Variants in MRPL48 observed in about 807,000 individuals in gnomAD.
MRPL48 encodes the protein large ribosomal subunit protein mL48.
MRPL48 carries 16 observed loss-of-function variants against 32.9 expected under a neutral mutation model. That is an observed-to-expected ratio of 0.49 (90% CI 0.33 to 0.74). MRPL48 has a LOEUF of 0.74. MRPL48 is among the 30% of genes least tolerant of loss of function. The pLI is 0.02. For synonymous variants in MRPL48, 94 were observed against 89.2 expected (o/e 1.05, Z -0.31); for missense variants, 206 against 245.3 (o/e 0.84, Z 1.07).
chr11:73,834,674 C>T (rs1227334224), intron 4 of MRPL48, among the ~76,000 whole-genome samples: 1 of 151,894 alleles, frequency 6.6e-6, no homozygotes, highest in Non-Finnish European at 1.5e-5. Context: ...GCTGGGACTA[C>T]AGGCGTGTGC....
chr11:73,797,344 G>A (rs1947274560), intron 1 of MRPL48, among the ~76,000 whole-genome samples: 1 of 152,220 alleles, frequency 6.6e-6, no homozygotes, highest in Non-Finnish European at 1.5e-5. Context: ...TAATGGCAGG[G>A]CTAAAAGAGC....
At chr11:73,864,214 G>A (rs1948630229) in intron 7 of MRPL48, 82 bp from the exon 8 acceptor site, 1 of 1,251,022 alleles carries the variant, frequency 8.0e-7, no homozygotes, top group Non-Finnish European at 1.1e-6. Context: ...CTGGTTCAAG[G>A]GCCCTTTTTG....
chr11:73,821,464 G>A (rs1401527727), intron 3 of MRPL48, among the ~76,000 whole-genome samples: 3 of 152,134 alleles, frequency 2.0e-5, no homozygotes, highest in Non-Finnish European at 4.4e-5. Context: ...AGCCTTGCCT[G>A]TTTCTCTAAG....
In MRPL48 at chr11:73,794,184, G is replaced by GTATCTATCTATCTGTCTGTC. The variant is rs376507552; in HGVS notation, c.21+6205_21+6206insGTCTGTCTATCTATCTATCT. 2.2e-5 allele frequency among the ~76,000 whole-genome samples: 3 copies of GTATCTATCTATCTGTCTGTC among 139,178 alleles called. No individual in the cohort carries two copies. In the Admixed American group the frequency reaches 2.2e-4, roughly 10 times the overall value. 91.3% of individuals were successfully genotyped at this position (139,178 alleles called of 152,430 possible). On this transcript the variant is annotated intron_variant, in intron 1 of 7. Transcript: ENST00000310614. ...AGCCTGGGTAACAGAGTGAGACCCT[G>GTATCTATCTATCTGTCTGTC]TATCTATCTATCTATCTATCTATCT...
intron 4 of MRPL48, among the ~76,000 whole-genome samples, chr11:73,830,426 T>C (rs982784565): frequency 6.6e-6 from 1 of 152,142 alleles, no homozygotes; most frequent in African/African-American, 2.4e-5. Flanking sequence ...GCCTCGTGGC[T>C]TCCTGCACAG....
intron 1 of MRPL48, among the ~76,000 whole-genome samples, chr11:73,799,539 C>T (rs1378982870): frequency 6.6e-6 from 1 of 152,102 alleles, no homozygotes; most frequent in African/African-American, 2.4e-5. Flanking sequence ...CATGTTAATT[C>T]GCTTTTCTGA....
intron 1 of MRPL48, among the ~76,000 whole-genome samples, chr11:73,798,082 AT>A (rs900670146): frequency 1.3e-5 from 2 of 150,036 alleles, no homozygotes; most frequent in East Asian, 1.9e-4. Context: ...AACAAAAACA[AT>A]TTTTTTTTTC....
At chr11:73,808,910 C>T (rs1044253687) in intron 3 of MRPL48, among the ~76,000 whole-genome samples, 4 of 148,514 alleles carry the variant, frequency 2.7e-5, no homozygotes, top group Non-Finnish European at 3.0e-5. Context: ...GGGACAAGAG[C>T]GAGACTTCAT....
chr11:73,847,454 T>C (rs1044076911), intron 5 of MRPL48, among the ~76,000 whole-genome samples: 10 of 152,016 alleles, frequency 6.6e-5, no homozygotes, highest in Non-Finnish European at 1.5e-4. Context: ...TCCTTTTTTT[T>C]TTTTGAGACG....
At chr11:73,799,003 A>AAC (rs1277577333) in intron 1 of MRPL48, among the ~76,000 whole-genome samples, 12 of 151,716 alleles carry the variant, frequency 7.9e-5, no homozygotes, top group African/African-American at 2.7e-4. Context: ...GCAAAAAAAA[A>AAC]AAAAAGAAAG....
intron 5 of MRPL48, among the ~76,000 whole-genome samples, chr11:73,846,611 A>G (rs1196821999): frequency 6.6e-6 from 1 of 151,620 alleles, no homozygotes; most frequent in Non-Finnish European, 1.5e-5. Context: ...CACCTGCCTC[A>G]GCCTCCCAAA....
intron 1 of MRPL48, among the ~76,000 whole-genome samples, chr11:73,792,961 G>A (rs1947178778): frequency 6.6e-6 from 1 of 152,338 alleles, no homozygotes; most frequent in East Asian, 1.9e-4. Context: ...GGTTTAGAGG[G>A]ATTTACTAAT....
chr11:73,824,691 A>G (rs1947851652), intron 3 of MRPL48, among the ~76,000 whole-genome samples: 1 of 152,172 alleles, frequency 6.6e-6, no homozygotes, highest in South Asian at 2.1e-4. Flanking sequence ...AAAACTTCAA[A>G]AGGGAAGGCG....
intron 6 of MRPL48, chr11:73,860,294 C>A (rs893100592): frequency 4.1e-6 from 1 of 245,940 alleles, no homozygotes; most frequent in African/African-American, 2.2e-5. Flanking sequence ...ACCCAGTTGT[C>A]TACTGGCCTT....
In MRPL48 at chr11:73,863,191, C is replaced by T. The variant is rs983074794; in HGVS notation, c.494C>T (p.Thr165Met). The T allele has an allele frequency of 1.3e-6, 2 of 1,584,060 alleles. No individual in the cohort carries two copies. The highest frequency in any genetic ancestry group is 1.7e-6 in the Non-Finnish European group (2 of 1,164,792). Residue 165 changes from threonine (T) to methionine (M), a missense_variant, in exon 7 of 8, where the codon ACG becomes ATG. Physicochemically the swap from Thr to Met is moderately conservative, Grantham distance 81. Coordinates refer to ENST00000310614, the MANE Select transcript of MRPL48 (RefSeq NM_016055.6). ...RVVQISGLSA[T>M]FAEIFLEIIQ... ...TTGCAGATCAGCGGTTTGAGTGCTA[C>T]GTTTGCAGAAATTTTCTTGGAAATA...
rs57616234 is a variant in MRPL48, at chr11:73,823,654, GT to G, written c.113-2033del. Among the ~76,000 whole-genome samples the G allele has an allele frequency of 4.2e-3, 445 of 105,670 alleles. 1 individual carries two copies. Among genetic ancestry groups the G allele is most frequent in the South Asian group, 0.011 (36 of 3,146 alleles). The allele number at this position is 105,670 out of a possible 152,430, so 69.3% of individuals were successfully genotyped here. ...ATCTCTACCCTATCTTTTCTTTTCT[GT>G]TTTTTTTTTTTTTTTTTTTTAATTT... On this transcript the variant is annotated intron_variant, in intron 3 of 7. Coordinates refer to ENST00000310614, the MANE Select transcript of MRPL48 (RefSeq NM_016055.6).
chr11:73,826,360 G>A (rs1352715528), intron 4 of MRPL48, among the ~76,000 whole-genome samples: 1 of 152,112 alleles, frequency 6.6e-6, no homozygotes, highest in Non-Finnish European at 1.5e-5. Context: ...AATCTTCCTA[G>A]TAGTGTACTT....
At chr11:73,824,800 T>C (rs1234165319) in intron 3 of MRPL48, among the ~76,000 whole-genome samples, 2 of 152,098 alleles carry the variant, frequency 1.3e-5, no homozygotes, top group Non-Finnish European at 2.9e-5. Context: ...ATGTATTTTA[T>C]CCCCTTACTG....
chr11:73,821,480 C>T (rs748780139), intron 3 of MRPL48, among the ~76,000 whole-genome samples: 8 of 152,174 alleles, frequency 5.3e-5, no homozygotes, highest in Non-Finnish European at 1.5e-5. Flanking sequence ...CTAAGCTCAT[C>T]TCTTGCCACC....
Sources: allele counts gnomAD v4.1 joint callset (sites outside exome capture counted in the v4.1 genomes callset), GRCh38; gene constraint gnomAD v4.1.1; transcripts MANE v1.5; gene names NCBI Gene and HGNC (gene_info 2026-07-23, HGNC 2026-07-21).